The following FBXO36 variants were observed in gnomAD, a reference collection of about 807,000 sequenced individuals.
The protein encoded by FBXO36 is F-box only protein 36.
A neutral mutation model predicts 17.0 loss-of-function variants in FBXO36; 18 were observed. The observed-to-expected ratio is 1.06, with a 90% CI of 0.73 to 1.57. FBXO36 has a LOEUF of 1.57. Ranked by LOEUF, FBXO36 falls within the 40% of genes most tolerant of loss-of-function variation. FBXO36 has a pLI of 0.00. For missense variants in FBXO36, 229 were observed against 221.9 expected (o/e 1.03, Z -0.20); for synonymous variants, 83 against 85.3 (o/e 0.97, Z 0.15).
chr2:229,993,619 T>C (rs2106208008), intron 2 of FBXO36, among the ~76,000 whole-genome samples: 1 of 152,320 alleles, frequency 6.6e-6, no homozygotes, highest in South Asian at 2.1e-4. Context: ...ATATACTTTT[T>C]TTAATTTCAA....
intron 2 of FBXO36, among the ~76,000 whole-genome samples, chr2:229,991,707 G>T (rs751888644): frequency 6.6e-6 from 1 of 152,028 alleles, no homozygotes; most frequent in East Asian, 1.9e-4. Context: ...TTCTTATTGG[G>T]GTCTACTGCA....
At chr2:229,996,371 G>A (rs568065824) in intron 2 of FBXO36, among the ~76,000 whole-genome samples, 2 of 152,280 alleles carry the variant, frequency 1.3e-5, no homozygotes, top group Admixed American at 6.5e-5. Context: ...GAAAAGCCAC[G>A]TGGACCAGCA....
At chr2:229,954,137 T>A (rs2077071565) in intron 1 of FBXO36, among the ~76,000 whole-genome samples, 1 of 152,094 alleles carries the variant, frequency 6.6e-6, no homozygotes, top group Non-Finnish European at 1.5e-5. Flanking sequence ...GTACTGGGGT[T>A]ATAGGTGTGA....
In FBXO36 at chr2:229,996,918, G is replaced by A. The variant is rs766877980; in HGVS notation, c.373G>A (p.Ala125Thr). The A allele has an allele frequency of 6.2e-7, 1 of 1,611,708 alleles. No homozygotes were observed. The highest frequency in any genetic ancestry group is 8.5e-7 in the Non-Finnish European group (1 of 1,179,442). ...GCTTTGTCAAACATCACACAGATTT[G>A]CAAAGGTAACGGTCAATTATTTTAT... ...ARLCQTSHRF[A>T]KLCMSDKLWE... The change falls in exon 3 of 4, where the codon GCA (alanine) becomes ACA (threonine). Residue 125 changes from alanine to threonine, a missense_variant. Physicochemically the swap from Ala to Thr is moderately conservative, Grantham distance 58. Coordinates refer to ENST00000283946, the MANE Select transcript of FBXO36 (RefSeq NM_174899.5).
Position 230,010,736 on chromosome 2 carries a change from C to A in FBXO36, c.419C>A (p.Ser140Ter), listed in dbSNP as rs763837354. ...AAACTGTGGGAACAGATAGTCCAGTCGACCTGCGACACCATCACTCCTGAC... is the reference window on the plus strand; with the variant it reads ...AAACTGTGGGAACAGATAGTCCAGTAGACCTGCGACACCATCACTCCTGAC... ...SDKLWEQIVQ[S>*]TCDTITPDVR... The change falls in exon 4 of 4, where the codon TCG (serine) becomes TAG (stop). Residue 140 changes from serine to a stop codon, truncating the protein, a stop_gained. Transcript: ENST00000283946. LOFTEE classifies it low-confidence loss of function (END_TRUNC). The A allele has an allele frequency of 8.1e-6, 13 of 1,613,464 alleles. No individual in the cohort carries two copies. In the Admixed American group the frequency reaches 2.2e-4, roughly 27 times the overall value.
chr2:230,005,053 A>G (rs914759433), intron 3 of FBXO36, among the ~76,000 whole-genome samples: 1 of 152,136 alleles, frequency 6.6e-6, no homozygotes, highest in East Asian at 1.9e-4. Context: ...CTCCATTTAA[A>G]AAAATTGCCA....
rs150331365 is a variant in FBXO36, at chr2:229,945,376, G to A, written c.96+22767G>A. Reference sequence around the variant, plus strand: ...GGCTGGAGTGCAGTGGCGCAATCTCGGCTCACTGCAACCTCCACCTCCCAG... The same window carrying A: ...GGCTGGAGTGCAGTGGCGCAATCTCAGCTCACTGCAACCTCCACCTCCCAG... On this transcript the variant is annotated intron_variant, in intron 1 of 3. Coordinates refer to ENST00000283946, the MANE Select transcript of FBXO36 (RefSeq NM_174899.5). Among the ~76,000 whole-genome samples, 120 of 152,022 alleles carry A rather than the reference G, an allele frequency of 7.9e-4. 1 individual carries two copies. Among genetic ancestry groups the A allele is most frequent in the Middle Eastern group, 3.4e-3 (1 of 294 alleles).
rs537547685 is a variant in FBXO36 at position 229,983,917 on chromosome 2, A to C, written c.205+7568A>C. 8.5e-5 allele frequency among the ~76,000 whole-genome samples: 13 copies of C among 152,330 alleles called. No homozygotes were observed. The East Asian group carries it at 2.1e-3, about 25-fold the overall frequency. On this transcript the variant is annotated intron_variant, in intron 2 of 3. Transcript: ENST00000283946. ...CTGGCACATAATAAGTACTCAAAAA[A>C]TTCCAGCTGTTGGAGTTTTTAATAT...
chr2:229,987,444 A>C (rs773682508), intron 2 of FBXO36, among the ~76,000 whole-genome samples: 13 of 151,824 alleles, frequency 8.6e-5, no homozygotes, highest in Non-Finnish European at 1.9e-4. Context: ...CCAGGGGTTT[A>C]CTTCATTCAT....
At chr2:229,985,750 G>A (rs1372946627) in intron 2 of FBXO36, among the ~76,000 whole-genome samples, 1 of 152,196 alleles carries the variant, frequency 6.6e-6, no homozygotes, top group Non-Finnish European at 1.5e-5. Context: ...AAAGTTAAAT[G>A]AATTTGAAAA....
intron 1 of FBXO36, among the ~76,000 whole-genome samples, chr2:229,924,170 A>C (rs1321115338): frequency 6.6e-6 from 1 of 152,090 alleles, no homozygotes; most frequent in Non-Finnish European, 1.5e-5. Flanking sequence ...AGCTCACTGC[A>C]ACCTCCGCAT....
At chr2:230,001,139 G>T (rs1218999696) in intron 3 of FBXO36, among the ~76,000 whole-genome samples, 1 of 151,916 alleles carries the variant, frequency 6.6e-6, no homozygotes, top group Admixed American at 6.6e-5. Context: ...GATTACAGGC[G>T]TGAGCCACTG....
chr2:229,955,812 A>G (rs2077084441), intron 1 of FBXO36, among the ~76,000 whole-genome samples: 1 of 152,228 alleles, frequency 6.6e-6, no homozygotes, highest in South Asian at 2.1e-4. Context: ...ATCATGGCCA[A>G]TGAAAAGTTA....
Position 230,002,815 on chromosome 2 carries a change from C to A in FBXO36, c.378+5892C>A, listed in dbSNP as rs201854421. Among the ~76,000 whole-genome samples, 3 of 152,058 alleles carry A rather than the reference C, an allele frequency of 2.0e-5. No individual in the cohort carries two copies. The East Asian group carries it at 5.8e-4, about 29-fold the overall frequency. ...CAGCAGCATTAGTGACTTTATAACC[C>A]ATGATGAAATGAGAATAATAAGGAT... is the stretch of plus-strand genomic sequence containing the variant. On this transcript the variant is annotated intron_variant, in intron 3 of 3. Coordinates refer to ENST00000283946, the MANE Select transcript of FBXO36 (RefSeq NM_174899.5).
intron 1 of FBXO36, among the ~76,000 whole-genome samples, chr2:229,935,688 T>A (rs558133530): frequency 1.3e-5 from 2 of 152,296 alleles, no homozygotes; most frequent in South Asian, 4.1e-4. Context: ...CTTACATTAG[T>A]GGATCTTTTG....
rs371024903 is a variant in FBXO36, at chr2:229,963,701, C to T, written c.97-12540C>T. The stretch of plus-strand genomic sequence containing the variant: ...CCTTGTGATCTACCCGCCTCGGCCT[C>T]CCAAAGTGCTGGAATTACAGGCGTG... On this transcript the variant is annotated intron_variant, in intron 1 of 3. Transcript: ENST00000283946. Among the ~76,000 whole-genome samples the T allele has an allele frequency of 3.9e-5, 6 of 152,290 alleles. No homozygotes were observed. The East Asian group carries it at 1.2e-3, about 29-fold the overall frequency.
chr2:229,976,491 A>G, intron 2 of FBXO36, 142 bp downstream of exon 2: 1 of 610,720 alleles, frequency 1.6e-6, no homozygotes, highest in South Asian at 2.5e-5. Context: ...AGATTCTTAA[A>G]AACTAGAAAA....
intron 3 of FBXO36, among the ~76,000 whole-genome samples, chr2:230,003,202 T>TC (rs1389576322): frequency 3.7e-5 from 4 of 109,240 alleles, no homozygotes; most frequent in African/African-American, 1.5e-4. Flanking sequence ...AGAGCAAGAC[T>TC]CCGTCTTAAA....
chr2:229,993,507 A>G lies in FBXO36; in HGVS notation c.206-3244A>G, dbSNP rs138019876. On this transcript the variant is annotated intron_variant, in intron 2 of 3. Transcript: ENST00000283946. ...GTGGGATGGAAATATGCGGGGGTGT[A>G]AGTTTAGGAAAAGATAGTCACTGAA... 3.9e-3 allele frequency among the ~76,000 whole-genome samples: 593 copies of G among 152,288 alleles called. 14 individuals are homozygous for G. The highest frequency in any genetic ancestry group is 1.2e-3 in the Non-Finnish European group (83 of 68,012).
Sources: gnomAD v4.1 joint callset for allele counts (sites outside exome capture counted in the v4.1 genomes callset) on GRCh38, gnomAD v4.1.1 for gene constraint, MANE v1.5 for transcripts, NCBI Gene and HGNC (gene_info 2026-07-23, HGNC 2026-07-21) for gene names.